Variants in OR2M4 observed in about 807,000 individuals in gnomAD.
OR2M4 encodes the protein olfactory receptor family 2 subfamily M member 4.
OR2M4 carries 8 observed loss-of-function variants against 13.7 expected under a neutral mutation model. That is an observed-to-expected ratio of 0.58 (90% CI 0.34 to 1.05). The LOEUF is 1.05. Ranked by LOEUF, OR2M4 falls within the 50% of genes least tolerant of loss-of-function variation. OR2M4 has a pLI of 0.02. For synonymous variants in OR2M4, 152 were observed against 141.3 expected, an observed-to-expected ratio of 1.08 and a Z score of -0.53; for missense variants, 374 against 381.6, an observed-to-expected ratio of 0.98 and a Z score of 0.17.
chr1:248,237,708 G>A (rs958701161), intron 1 of OR2M4, among the ~76,000 whole-genome samples: 14 of 152,080 alleles, frequency 9.2e-5, no homozygotes, highest in African/African-American at 3.4e-4. Flanking sequence ...GGTATTGATG[G>A]AACATACATC....
chr1:248,233,072 G>A (rs189096340), intron 1 of OR2M4, among the ~76,000 whole-genome samples: 2 of 152,196 alleles, frequency 1.3e-5, no homozygotes, highest in African/African-American at 4.8e-5. Flanking sequence ...ATAAAGCCAT[G>A]TTACTTTTTG....
chr1:248,231,814 A>G (rs1178139443), intron 1 of OR2M4, among the ~76,000 whole-genome samples: 1 of 152,142 alleles, frequency 6.6e-6, no homozygotes, highest in African/African-American at 2.4e-5. Flanking sequence ...TTCTCCTGCA[A>G]TCCTGGACTC....
intron 1 of OR2M4, among the ~76,000 whole-genome samples, chr1:248,236,589 CA>C (rs113625537): frequency 3.4e-5 from 5 of 147,234 alleles, no homozygotes; most frequent in African/African-American, 1.0e-4. Context: ...GATAGAGACA[CA>C]AAAAAAAGCC....
rs530178700 is a variant in OR2M4 at position 248,232,723 on chromosome 1, A to C, written c.-20+1143A>C. 2.0e-5 allele frequency among the ~76,000 whole-genome samples: 3 copies of C among 152,234 alleles called. No individual in the cohort carries two copies. In the South Asian group the frequency reaches 6.2e-4, roughly 32 times the overall value. ...CATTGTAACGCAATTCTATTCTTAA[A>C]ATGGAAGAGCAAAGAAAGGTACTGC... is the stretch of plus-strand genomic sequence containing the variant. On this transcript the variant is annotated intron_variant, in intron 1 of 1. Coordinates refer to ENST00000641868, the MANE Select transcript of OR2M4 (RefSeq NM_017504.2).
rs2103024033 is a variant in OR2M4 at position 248,242,243 on chromosome 1, G to A, written c.*2379G>A. The A allele has an allele frequency of 6.6e-6, 1 of 152,214 alleles. No homozygotes were observed. The highest frequency in any genetic ancestry group is 1.9e-4 in the East Asian group (1 of 5,160). The allele number at this position is 152,214 out of a possible 1,614,324, so 9.4% of individuals were successfully genotyped here. On this transcript the variant is annotated 3_prime_UTR_variant, in exon 2 of 2. Transcript: ENST00000641868. ...ATATCTTTGCCAGTCAGTGTTCACT[G>A]GTTGAGCCAGAAAGAGTTTTACAAA... is the stretch of plus-strand genomic sequence containing the variant.
rs903299733 is a variant in OR2M4 at position 248,243,679 on chromosome 1, T to C, written c.*3815T>C. 1 of 152,144 alleles carries C rather than the reference T, an allele frequency of 6.6e-6. No homozygotes were observed. Among genetic ancestry groups the C allele is most frequent in the African/African-American group, 2.4e-5 (1 of 41,406 alleles). The allele number at this position is 152,144 out of a possible 1,614,324, so 9.4% of individuals were successfully genotyped here. ...ATTTTTGGCTAATTTCCCAAAAACA[T>C]TTGCAACAAAAATTGACAAGCTAGA... On this transcript the variant is annotated 3_prime_UTR_variant, in exon 2 of 2. Coordinates refer to ENST00000641868, the MANE Select transcript of OR2M4 (RefSeq NM_017504.2).
chr1:248,242,752 G>C lies in OR2M4; in HGVS notation c.*2888G>C, dbSNP rs1039021580. ...GAAAGACTTATCTGTGATCTACTAA[G>C]AGAAGTATGAAAATTGAGCTTGAAA... On this transcript the variant is annotated 3_prime_UTR_variant, in exon 2 of 2. Transcript: ENST00000641868. 1.3e-5 allele frequency: 2 copies of C among 152,122 alleles called. No homozygotes were observed. The highest frequency in any genetic ancestry group is 2.9e-5 in the Non-Finnish European group (2 of 68,026). The allele number at this position is 152,122 out of a possible 1,614,324, so 9.4% of individuals were successfully genotyped here. A position where few individuals can be genotyped will look rare whatever the true frequency, so the allele number is the denominator to read the frequency against.
rs1447668920 is a variant in OR2M4 at position 248,242,915 on chromosome 1, T to C, written c.*3051T>C. ...GAAACATTTGAAAACAATTTTGATATTGATGAATTTAAAGTTACTTTTTAA... is the reference window on the plus strand; with the variant it reads ...GAAACATTTGAAAACAATTTTGATACTGATGAATTTAAAGTTACTTTTTAA... On this transcript the variant is annotated 3_prime_UTR_variant, in exon 2 of 2. Coordinates refer to ENST00000641868, the MANE Select transcript of OR2M4 (RefSeq NM_017504.2). The C allele has an allele frequency of 6.6e-6, 1 of 152,186 alleles. No individual in the cohort carries two copies. Among genetic ancestry groups the C allele is most frequent in the Admixed American group, 6.5e-5 (1 of 15,282 alleles). 9.4% of individuals were successfully genotyped at this position (152,186 alleles called of 1,614,324 possible). A position where few individuals can be genotyped will look rare whatever the true frequency, so the allele number is the denominator to read the frequency against.
At chr1:248,238,106 G>A (rs934042384) in intron 1 of OR2M4, among the ~76,000 whole-genome samples, 2 of 152,148 alleles carry the variant, frequency 1.3e-5, no homozygotes, top group African/African-American at 4.8e-5. Context: ...GTTTTGAAAT[G>A]TCAAAATGTG....
chr1:248,233,623 T>C (rs1666525563), intron 1 of OR2M4, among the ~76,000 whole-genome samples: 1 of 152,090 alleles, frequency 6.6e-6, no homozygotes, highest in Non-Finnish European at 1.5e-5. Flanking sequence ...TGCAAAAATA[T>C]TGATGTTTCT....
chr1:248,238,068 C>T (rs531788344), intron 1 of OR2M4, among the ~76,000 whole-genome samples: 8 of 152,108 alleles, frequency 5.3e-5, no homozygotes, highest in African/African-American at 1.7e-4. Context: ...CACTAAATAC[C>T]CTGATTTGAT....
At chr1:248,237,525 C>G (rs947593758) in intron 1 of OR2M4, among the ~76,000 whole-genome samples, 4 of 151,218 alleles carry the variant, frequency 2.6e-5, no homozygotes, top group Non-Finnish European at 5.9e-5. Flanking sequence ...TAGTGGCGGG[C>G]GCCTGTAATC....
chr1:248,238,367 C>G lies in OR2M4; in HGVS notation c.-19-543C>G, dbSNP rs932777761. Among the ~76,000 whole-genome samples, 3 of 152,190 alleles carry G rather than the reference C, an allele frequency of 2.0e-5. No homozygotes were observed. In the South Asian group the frequency reaches 6.2e-4, roughly 32 times the overall value. ...AAAAGTTAAAACATAGAGTACTATA[C>G]CCTTCTCTGAACTGAAGTGTACAGG... On this transcript the variant is annotated intron_variant, in intron 1 of 1. Coordinates refer to ENST00000641868, the MANE Select transcript of OR2M4 (RefSeq NM_017504.2).
Position 248,239,614 on chromosome 1 carries a change from G to C in OR2M4, c.686G>C (p.Gly229Ala). ...SHVLRAVIHM[G>A]SGESRRKAFT... ...GTCCTTCGAGCCGTCATCCACATGG[G>C]CTCTGGGGAAAGTCGTCGCAAGGCC... The change falls in exon 2 of 2, where the codon GGC becomes GCC. Residue 229 changes from glycine (G) to alanine (A), a missense_variant. Gly to Ala is a moderately conservative substitution (Grantham distance 60, BLOSUM62 0). Coordinates refer to ENST00000641868, the MANE Select transcript of OR2M4 (RefSeq NM_017504.2). The C allele has an allele frequency of 6.2e-7, 1 of 1,614,020 alleles. No individual in the cohort carries two copies. The highest frequency in any genetic ancestry group is 8.5e-7 in the Non-Finnish European group (1 of 1,180,024).
Position 248,239,929 on chromosome 1 carries a change from T to A in OR2M4, c.*65T>A. 1.1e-6 allele frequency: 1 copy of A among 923,702 alleles called. No homozygotes were observed. The highest frequency in any genetic ancestry group is 1.6e-6 in the Non-Finnish European group (1 of 619,486). The allele number at this position is 923,702 out of a possible 1,614,324, so 57.2% of individuals were successfully genotyped here. Reference sequence around the variant, plus strand: ...CTCATTCAAAAAAACTGGAATCTCTTAAATTATTCTATTTCTATTTCTGGT... The same window carrying A: ...CTCATTCAAAAAAACTGGAATCTCTAAAATTATTCTATTTCTATTTCTGGT... On this transcript the variant is annotated 3_prime_UTR_variant, in exon 2 of 2. Transcript: ENST00000641868.
intron 1 of OR2M4, among the ~76,000 whole-genome samples, chr1:248,234,462 T>A (rs971903384): frequency 4.6e-5 from 7 of 152,042 alleles, no homozygotes; most frequent in Non-Finnish European, 7.4e-5. Context: ...TCAACCCCCT[T>A]AACAGGCCCC....
intron 1 of OR2M4, among the ~76,000 whole-genome samples, chr1:248,234,372 G>C (rs1666535901): frequency 6.6e-6 from 1 of 151,896 alleles, no homozygotes; most frequent in East Asian, 1.9e-4. Flanking sequence ...TGCCATGGTG[G>C]TTTGCTGCAC....
intron 1 of OR2M4, among the ~76,000 whole-genome samples, chr1:248,234,684 T>C (rs1666539917): frequency 6.6e-6 from 1 of 152,092 alleles, no homozygotes; most frequent in Admixed American, 6.5e-5. Context: ...TAGTTTTCCA[T>C]GTTGTATATG....
chr1:248,244,048 A>G lies in OR2M4; in HGVS notation c.*4184A>G, dbSNP rs917294626. On this transcript the variant is annotated 3_prime_UTR_variant, in exon 2 of 2. Coordinates refer to ENST00000641868, the MANE Select transcript of OR2M4 (RefSeq NM_017504.2). ...TGACCATTAATAAAGTCAAATAATAACAAATACTAGTGAAGCTGTGGAGAA... is the reference window on the plus strand; with the variant it reads ...TGACCATTAATAAAGTCAAATAATAGCAAATACTAGTGAAGCTGTGGAGAA... The G allele has an allele frequency of 6.6e-6, 1 of 152,170 alleles. No individual in the cohort carries two copies. The allele number at this position is 152,170 out of a possible 1,614,324, so 9.4% of individuals were successfully genotyped here.
Sources: allele counts gnomAD v4.1 joint callset (sites outside exome capture counted in the v4.1 genomes callset), GRCh38; gene constraint gnomAD v4.1.1; transcripts MANE v1.5; gene names NCBI Gene and HGNC (gene_info 2026-07-23, HGNC 2026-07-21).